Variants in ADCY2 observed in about 807,000 individuals in gnomAD.
ADCY2 encodes the protein adenylate cyclase type 2.
In ADCY2, 31 loss-of-function variants were observed where a neutral mutation model predicts 125.2. That is an observed-to-expected ratio of 0.25 (90% CI 0.19 to 0.33). The LOEUF (loss-of-function observed/expected upper bound fraction) is 0.33, where lower values mean the gene tolerates loss of function less well. ADCY2 is among the 10% of genes least tolerant of loss of function. The pLI, the probability that ADCY2 is intolerant of heterozygous loss-of-function variation, is 1.00. For synonymous variants in ADCY2, 512 were observed against 548.4 expected (o/e 0.93, Z 0.93); for missense variants, 904 against 1,418.2 (o/e 0.64, Z 5.82).
intron 8 of ADCY2, 67 bp downstream of exon 8, chr5:7,706,969 C>G (rs897413310): frequency 1.9e-6 from 3 of 1,583,976 alleles, no homozygotes; most frequent in Non-Finnish European, 8.6e-7. Context: ...GATTATCAGC[C>G]TAATGACGGA....
intron 14 of ADCY2, among the ~76,000 whole-genome samples, chr5:7,728,241 AGTT>A (rs1741991484): frequency 6.6e-6 from 1 of 152,162 alleles, no homozygotes; most frequent in Non-Finnish European, 1.5e-5. Flanking sequence ...ACTACAAAGA[AGTT>A]GTCTGTTTCT....
At chr5:7,785,301 G>T (rs1337918372) in intron 19 of ADCY2, among the ~76,000 whole-genome samples, 1 of 152,196 alleles carries the variant, frequency 6.6e-6, no homozygotes. Flanking sequence ...TGCATAGACA[G>T]TTGGACCAAG....
intron 2 of ADCY2, among the ~76,000 whole-genome samples, chr5:7,489,745 C>T (rs889666873): frequency 6.6e-5 from 10 of 152,244 alleles, no homozygotes; most frequent in African/African-American, 2.2e-4. Context: ...ACTGAGAGTA[C>T]CCAGGATGTA....
At chr5:7,590,729 G>A (rs1003858782) in intron 3 of ADCY2, among the ~76,000 whole-genome samples, 1 of 152,144 alleles carries the variant, frequency 6.6e-6, no homozygotes, top group African/African-American at 2.4e-5. Context: ...GAACATTATG[G>A]TGTGGACAAA....
At chr5:7,652,172 A>G (rs946068559) in intron 4 of ADCY2, among the ~76,000 whole-genome samples, 1 of 152,228 alleles carries the variant, frequency 6.6e-6, no homozygotes, top group Admixed American at 6.5e-5. Context: ...GTCAACATTT[A>G]TCACAGACCT....
At chr5:7,516,071 G>A (rs547779622) in intron 2 of ADCY2, among the ~76,000 whole-genome samples, 86 of 152,224 alleles carry the variant, frequency 5.6e-4, no homozygotes, top group African/African-American at 2.0e-3. Flanking sequence ...AAAGGATGGT[G>A]TTGGAGCAAG....
intron 2 of ADCY2, among the ~76,000 whole-genome samples, chr5:7,495,276 G>A (rs1743306065): frequency 6.6e-6 from 1 of 152,118 alleles, no homozygotes; most frequent in Non-Finnish European, 1.5e-5. Flanking sequence ...GTGGGAACTT[G>A]TGCCCTTGTT....
chr5:7,428,426 G>C (rs1398771288), intron 2 of ADCY2, among the ~76,000 whole-genome samples: 9 of 152,136 alleles, frequency 5.9e-5, no homozygotes. Flanking sequence ...TTCACTCCAT[G>C]ATATATGATT....
chr5:7,550,057 G>A (rs1290187708), intron 3 of ADCY2, among the ~76,000 whole-genome samples: 1 of 152,058 alleles, frequency 6.6e-6, no homozygotes, highest in Non-Finnish European at 1.5e-5. Flanking sequence ...GAACCCTGAG[G>A]TCCTGTTTTG....
chr5:7,594,660 G>T (rs970370851), intron 3 of ADCY2, among the ~76,000 whole-genome samples: 3 of 152,186 alleles, frequency 2.0e-5, no homozygotes, highest in Non-Finnish European at 4.4e-5. Flanking sequence ...AAATCTTGAT[G>T]AGAGCAGGGG....
At chr5:7,818,574 G>T (rs1023996573) in intron 23 of ADCY2, among the ~76,000 whole-genome samples, 19 of 151,852 alleles carry the variant, frequency 1.3e-4, no homozygotes, top group African/African-American at 4.6e-4. Flanking sequence ...ATATTTAGTA[G>T]ATTTAGTATA....
chr5:7,509,374 G>A (rs764604453), intron 2 of ADCY2, among the ~76,000 whole-genome samples: 17 of 152,190 alleles, frequency 1.1e-4, no homozygotes, highest in Non-Finnish European at 1.6e-4. Flanking sequence ...TTCGCACAGC[G>A]TAGAGGCTGA....
At chr5:7,492,993 G>T (rs1171711840) in intron 2 of ADCY2, among the ~76,000 whole-genome samples, 1 of 152,148 alleles carries the variant, frequency 6.6e-6, no homozygotes, top group Non-Finnish European at 1.5e-5. Flanking sequence ...TTGCTCTTGT[G>T]CTCAGCCGGG....
At chr5:7,711,455 G>A (rs1741437944) in intron 10 of ADCY2, among the ~76,000 whole-genome samples, 2 of 152,178 alleles carry the variant, frequency 1.3e-5, no homozygotes, top group Admixed American at 1.3e-4. Context: ...TAAGGAATAA[G>A]AATCATATAT....
At chr5:7,437,445 C>T (rs1324063504) in intron 2 of ADCY2, among the ~76,000 whole-genome samples, 2 of 152,228 alleles carry the variant, frequency 1.3e-5, no homozygotes, top group African/African-American at 4.8e-5. Flanking sequence ...CTGCAATCCA[C>T]TGAACTAGGC....
chr5:7,824,989 A>G (rs1415045946), intron 24 of ADCY2, among the ~76,000 whole-genome samples: 1 of 152,170 alleles, frequency 6.6e-6, no homozygotes, highest in Non-Finnish European at 1.5e-5. Context: ...GGGACACACC[A>G]CAACCAAAAT....
chr5:7,811,281 T>A (rs975079305), intron 22 of ADCY2, among the ~76,000 whole-genome samples: 2 of 152,084 alleles, frequency 1.3e-5, no homozygotes, highest in African/African-American at 4.8e-5. Context: ...GGCGGGTGGA[T>A]CATGAGGTCA....
At chr5:7,661,694 T>G (rs1358989517) in intron 4 of ADCY2, among the ~76,000 whole-genome samples, 1 of 152,240 alleles carries the variant, frequency 6.6e-6, no homozygotes, top group African/African-American at 2.4e-5. Context: ...AAAATTCAGC[T>G]GATCTGTCTC....
chr5:7,742,847 T>A (rs541255528), intron 14 of ADCY2, among the ~76,000 whole-genome samples: 1 of 152,142 alleles, frequency 6.6e-6, no homozygotes, highest in Non-Finnish European at 1.5e-5. Flanking sequence ...GGCATGAGGT[T>A]CCATTTTGGT....
Sources: gnomAD v4.1 joint callset for allele counts (sites outside exome capture counted in the v4.1 genomes callset) on GRCh38, gnomAD v4.1.1 for gene constraint, MANE v1.5 for transcripts, NCBI Gene and HGNC (gene_info 2026-07-23, HGNC 2026-07-21) for gene names.